The following DCAF17 variants were observed in gnomAD, a reference collection of about 807,000 sequenced individuals.
DCAF17 encodes DDB1- and CUL4-associated factor 17.
Under a neutral mutation model 66.0 loss-of-function variants are expected in DCAF17, and 48 were observed. That is an observed-to-expected ratio of 0.73 (90% CI 0.58 to 0.92). DCAF17 has a LOEUF of 0.92. Ranked by LOEUF, DCAF17 falls within the 40% of genes least tolerant of loss-of-function variation. The pLI, the probability that DCAF17 is intolerant of heterozygous loss-of-function variation, is 0.00. For synonymous variants in DCAF17, 206 were observed against 214.6 expected (o/e 0.96, Z 0.35); for missense variants, 562 against 622.8 (o/e 0.90, Z 1.04).
intron 10 of DCAF17, 110 bp from the exon 11 acceptor site, chr2:171,476,750 T>G: frequency 1.4e-6 from 1 of 739,606 alleles, no homozygotes; most frequent in Non-Finnish European, 2.4e-6. Context: ...GAGAACTACC[T>G]CAGTGTTACT....
intron 12 of DCAF17, chr2:171,479,837 C>T: frequency 3.5e-6 from 2 of 569,778 alleles, no homozygotes; most frequent in Non-Finnish European, 6.1e-6. Context: ...TAGGATACTG[C>T]TTAACTCTTG....
At chr2:171,477,013 T>A in intron 11 of DCAF17, 63 bp downstream of exon 11, 1 of 1,250,530 alleles carries the variant, frequency 8.0e-7, no homozygotes, top group Non-Finnish European at 1.2e-6. Context: ...GACTATAATA[T>A]GCTAATATAT....
In DCAF17 at chr2:171,460,102, A is replaced by G. The variant is rs1574366954; in HGVS notation, c.838+1625A>G. Among the ~76,000 whole-genome samples the G allele has an allele frequency of 2.0e-5, 3 of 152,240 alleles. No homozygotes were observed. The South Asian group carries it at 6.2e-4, about 32-fold the overall frequency. On this transcript the variant is annotated intron_variant, in intron 8 of 13. Transcript: ENST00000375255. Reference sequence around the variant, plus strand: ...CACTTTGGGAGGCTGAGGCGGGTGGATCACGAGGTCAGGAGTTCGAGACCA... The same window carrying G: ...CACTTTGGGAGGCTGAGGCGGGTGGGTCACGAGGTCAGGAGTTCGAGACCA...
At chr2:171,455,438 G>A (rs1695203782) in intron 6 of DCAF17, among the ~76,000 whole-genome samples, 1 of 152,168 alleles carries the variant, frequency 6.6e-6, no homozygotes, top group African/African-American at 2.4e-5. Flanking sequence ...CCATGTCTTT[G>A]CTCTTGTGAA....
At chr2:171,456,831 G>C (rs144992352) in intron 6 of DCAF17, among the ~76,000 whole-genome samples, 4,655 of 152,314 alleles carry the variant, frequency 0.031, 79 homozygotes, top group East Asian at 0.051. Flanking sequence ...TATTGATTTT[G>C]TATCCTGAGA....
At chr2:171,466,951 T>TC (rs141305830) in intron 8 of DCAF17, among the ~76,000 whole-genome samples, 1 of 151,752 alleles carries the variant, frequency 6.6e-6, no homozygotes, top group Non-Finnish European at 1.5e-5. Flanking sequence ...TCATGCCTTT[T>TC]TCCCTTTTTC....
intron 6 of DCAF17, among the ~76,000 whole-genome samples, chr2:171,457,308 G>T (rs1695315931): frequency 1.3e-5 from 2 of 152,178 alleles, no homozygotes; most frequent in Admixed American, 1.3e-4. Flanking sequence ...ATTCCTGTAT[G>T]TCCAAGGTAA....
intron 6 of DCAF17, among the ~76,000 whole-genome samples, chr2:171,457,439 G>A (rs562224841): frequency 5.3e-5 from 8 of 152,302 alleles, no homozygotes; most frequent in African/African-American, 1.7e-4. Flanking sequence ...AGAAAAATAT[G>A]CAATTAGAGA....
chr2:171,477,064 A>G (rs1696531518), intron 11 of DCAF17, 114 bp downstream of exon 11: 1 of 786,832 alleles, frequency 1.3e-6, no homozygotes, highest in Non-Finnish European at 2.1e-6. Context: ...ACAGCCCTAT[A>G]AAAGTCTGTA....
intron 5 of DCAF17, among the ~76,000 whole-genome samples, chr2:171,452,883 T>C (rs544067815): frequency 6.6e-6 from 1 of 152,348 alleles, no homozygotes; most frequent in African/African-American, 2.4e-5. Flanking sequence ...TTTACTTTTA[T>C]GGATTTTTGT....
chr2:171,482,900 C>T lies in DCAF17; in HGVS notation c.*1786C>T, dbSNP rs1200269392. 1 of 453,900 alleles carries T rather than the reference C, an allele frequency of 2.2e-6. No individual in the cohort carries two copies. Among genetic ancestry groups the T allele is most frequent in the East Asian group, 6.9e-5 (1 of 14,416 alleles). 28.1% of individuals were successfully genotyped at this position (453,900 alleles called of 1,614,324 possible). On this transcript the variant is annotated 3_prime_UTR_variant, in exon 14 of 14. Coordinates refer to ENST00000375255, the MANE Select transcript of DCAF17 (RefSeq NM_025000.4). ...TGCCTAAATCTAACTAGACCAGGGT[C>T]CAAATGCCATCCAGGCCAGGCAGGA...
chr2:171,482,816 G>T lies in DCAF17; in HGVS notation c.*1702G>T, dbSNP rs771202185. 2 of 453,900 alleles carry T rather than the reference G, an allele frequency of 4.4e-6. No individual in the cohort carries two copies. Among genetic ancestry groups the T allele is most frequent in the African/African-American group, 2.0e-5 (1 of 49,982 alleles). The allele number at this position is 453,900 out of a possible 1,614,324, so 28.1% of individuals were successfully genotyped here. ...GCTGCTTTTTTGCTGGGGGTAGATG[G>T]TGGAATACTTCTGGTCTAGATATAA... On this transcript the variant is annotated 3_prime_UTR_variant, in exon 14 of 14. Coordinates refer to ENST00000375255, the MANE Select transcript of DCAF17 (RefSeq NM_025000.4).
At chr2:171,460,873 A>T (rs1289981035) in intron 8 of DCAF17, among the ~76,000 whole-genome samples, 1 of 152,112 alleles carries the variant, frequency 6.6e-6, no homozygotes, top group Admixed American at 6.6e-5. Context: ...TGGGCCTCAA[A>T]TTTTGAAACT....
chr2:171,462,634 TATGACA>T (rs1484608655), intron 8 of DCAF17, among the ~76,000 whole-genome samples: 1 of 152,222 alleles, frequency 6.6e-6, no homozygotes, highest in Middle Eastern at 3.2e-3. Flanking sequence ...AATTTGTCAA[TATGACA>T]GTTTGTTAAT....
chr2:171,453,687 G>A (rs2105762805), intron 6 of DCAF17, among the ~76,000 whole-genome samples: 1 of 151,956 alleles, frequency 6.6e-6, no homozygotes. Flanking sequence ...ATTTGTTCTT[G>A]ACTTGTGGAG....
intron 2 of DCAF17, 133 bp downstream of exon 2, chr2:171,435,319 C>T: frequency 1.4e-6 from 1 of 712,094 alleles, no homozygotes; most frequent in Non-Finnish European, 2.5e-6. Flanking sequence ...TAAGACTAGG[C>T]AGTAAAAAAT....
intron 5 of DCAF17, among the ~76,000 whole-genome samples, chr2:171,452,894 C>T (rs1280921163): frequency 6.6e-6 from 1 of 151,982 alleles, no homozygotes; most frequent in Admixed American, 6.6e-5. Context: ...GGATTTTTGT[C>T]TGTATATATG....
At chr2:171,456,523 TC>T (rs1252704221) in intron 6 of DCAF17, among the ~76,000 whole-genome samples, 1 of 152,226 alleles carries the variant, frequency 6.6e-6, no homozygotes, top group Non-Finnish European at 1.5e-5. Context: ...AATAGTTTTT[TC>T]TAGTTCTGTG....
At chr2:171,441,880 CAG>C (rs1189791561) in intron 2 of DCAF17, among the ~76,000 whole-genome samples, 1 of 152,192 alleles carries the variant, frequency 6.6e-6, no homozygotes, top group Non-Finnish European at 1.5e-5. Flanking sequence ...AGTTTGTCCA[CAG>C]AGCTCTTCAT....
Sources: gnomAD v4.1 joint callset for allele counts (sites outside exome capture counted in the v4.1 genomes callset) on GRCh38, gnomAD v4.1.1 for gene constraint, MANE v1.5 for transcripts, NCBI Gene and HGNC (gene_info 2026-07-23, HGNC 2026-07-21) for gene names.